Variants in COL6A6 observed in about 807,000 individuals in gnomAD.
COL6A6 encodes collagen alpha-6(VI) chain.
COL6A6 carries 183 observed loss-of-function variants against 208.6 expected under a neutral mutation model. The observed-to-expected ratio is 0.88, with a 90% confidence interval of 0.78 to 0.99. COL6A6 has a LOEUF of 0.99. COL6A6 is among the 50% of genes least tolerant of loss of function. COL6A6 has a pLI of 0.00. For synonymous variants in COL6A6, 973 were observed against 1,011.8 expected, an observed-to-expected ratio of 0.96 and a Z score of 0.73; for missense variants, 2,816 against 2,815.2, an observed-to-expected ratio of 1.00 and a Z score of -0.01.
intron 36 of COL6A6, among the ~76,000 whole-genome samples, chr3:130,673,488 T>G (rs2066283922): frequency 4.2e-5 from 6 of 144,346 alleles, no homozygotes; most frequent in African/African-American, 1.0e-4. Flanking sequence ...AGGTGCGGGG[T>G]AGGGGGACGC....
chr3:130,594,235 T>C lies in COL6A6; in HGVS notation c.4471-46T>C, dbSNP rs755269941. On this transcript the variant is annotated intron_variant, in intron 17 of 36. Coordinates refer to ENST00000358511, the MANE Select transcript of COL6A6 (RefSeq NM_001102608.3). The stretch of plus-strand genomic sequence containing the variant: ...AAAAGCTCTGTTTTTATTAATTTTA[T>C]TAAAACTTCTTGTCTTGTTTTTCTT... 1.4e-6 allele frequency: 2 copies of C among 1,383,842 alleles called. 1 individual carries two copies. Among genetic ancestry groups the C allele is most frequent in the South Asian group, 2.3e-5 (2 of 85,168 alleles). The allele number at this position is 1,383,842 out of a possible 1,614,324, so 85.7% of individuals were successfully genotyped here.
At chr3:130,637,233 A>G (rs1443502594) in intron 28 of COL6A6, among the ~76,000 whole-genome samples, 1 of 146,840 alleles carries the variant, frequency 6.8e-6, no homozygotes, top group Non-Finnish European at 1.5e-5. Context: ...TAATTAGAAA[A>G]ATAATTGGAA....
chr3:130,589,657 G>T (rs771790998), intron 12 of COL6A6, among the ~76,000 whole-genome samples: 27 of 152,100 alleles, frequency 1.8e-4, no homozygotes, highest in Non-Finnish European at 3.7e-4. Flanking sequence ...CTTAAGCCAG[G>T]TCAAAATGTT....
chr3:130,655,619 G>A (rs114126978), intron 33 of COL6A6, among the ~76,000 whole-genome samples: 2,947 of 152,236 alleles, frequency 0.019, 95 homozygotes, highest in African/African-American at 0.067. Context: ...CACTTGGTGC[G>A]CCTGGGAGTC....
chr3:130,567,982 C>T, intron 5 of COL6A6, 65 bp from the exon 6 acceptor site: 1 of 1,275,130 alleles, frequency 7.8e-7, no homozygotes, highest in South Asian at 1.5e-5. Context: ...TTTGGATTTT[C>T]CTGTTTACTC....
Position 130,572,958 on chromosome 3 carries a change from G to A in COL6A6, c.2978-998G>A, listed in dbSNP as rs141994636. 7.0e-3 allele frequency among the ~76,000 whole-genome samples: 1,069 copies of A among 152,242 alleles called. 14 individuals are homozygous for A. Among genetic ancestry groups the A allele is most frequent in the African/African-American group, 0.024 (1,016 of 41,528 alleles). ...ATGTGCCAAGCATAACTCATTCATTGGCAGTGGTCTCTCATGTTCTTCTTG... is the reference window on the plus strand; with the variant it reads ...ATGTGCCAAGCATAACTCATTCATTAGCAGTGGTCTCTCATGTTCTTCTTG... On this transcript the variant is annotated intron_variant, in intron 7 of 36. Coordinates refer to ENST00000358511, the MANE Select transcript of COL6A6 (RefSeq NM_001102608.3).
intron 20 of COL6A6, among the ~76,000 whole-genome samples, chr3:130,602,770 T>A (rs926490760): frequency 6.6e-6 from 1 of 152,236 alleles, no homozygotes; most frequent in Non-Finnish European, 1.5e-5. Context: ...ATTTTATCTG[T>A]AAGAATGAGT....
chr3:130,534,136 C>T (rs1186741277), intron 1 of COL6A6, among the ~76,000 whole-genome samples: 5 of 152,144 alleles, frequency 3.3e-5, no homozygotes, highest in Non-Finnish European at 4.4e-5. Context: ...ATATTCCCAC[C>T]AGCCATGTAT....
At chr3:130,563,853 G>C (rs997151411) in intron 3 of COL6A6, among the ~76,000 whole-genome samples, 189 bp downstream of exon 3, 1 of 152,128 alleles carries the variant, frequency 6.6e-6, no homozygotes, top group Non-Finnish European at 1.5e-5. Flanking sequence ...CAGAAGTCTT[G>C]GTTTTTCATG....
chr3:130,621,555 A>G (rs1247165316), intron 23 of COL6A6, among the ~76,000 whole-genome samples: 1 of 152,244 alleles, frequency 6.6e-6, no homozygotes, highest in East Asian at 1.9e-4. Context: ...CTGTTCTTAG[A>G]GCAAAACAAC....
At chr3:130,541,605 T>C (rs1379781166) in intron 1 of COL6A6, among the ~76,000 whole-genome samples, 1 of 152,238 alleles carries the variant, frequency 6.6e-6, no homozygotes, top group Admixed American at 6.5e-5. Flanking sequence ...AAACTCCTTG[T>C]CAGCATTTGA....
chr3:130,573,692 G>A (rs371433957), intron 7 of COL6A6, among the ~76,000 whole-genome samples: 2 of 150,204 alleles, frequency 1.3e-5, no homozygotes, highest in Non-Finnish European at 2.9e-5. Flanking sequence ...TCAGGCTCCC[G>A]AGTAGCTGGG....
intron 36 of COL6A6, among the ~76,000 whole-genome samples, chr3:130,672,592 A>G (rs1304424347): frequency 6.6e-6 from 1 of 151,756 alleles, no homozygotes; most frequent in African/African-American, 2.4e-5. Context: ...TAGCAGAGAC[A>G]GGGGTTTTAC....
intron 36 of COL6A6, among the ~76,000 whole-genome samples, chr3:130,674,002 CACA>C (rs1473703212): frequency 6.6e-6 from 1 of 152,118 alleles, no homozygotes; most frequent in Non-Finnish European, 1.5e-5. Flanking sequence ...AGTTGTTGCT[CACA>C]ACAACAGAAG....
At chr3:130,599,841 T>G in intron 20 of COL6A6, 31 bp downstream of exon 20, 2 of 1,608,922 alleles carry the variant, frequency 1.2e-6, no homozygotes, top group Non-Finnish European at 1.7e-6. Flanking sequence ...GGAGACCCAC[T>G]GTTTTGGTGG....
At position 130,591,037 on chromosome 3, in the gene COL6A6, C is replaced by T. The variant is rs188085884; in HGVS notation, c.4219-4C>T. 5,966 of 1,571,202 alleles carry T rather than the reference C, an allele frequency of 3.8e-3. 49 individuals are homozygous for T. The highest frequency in any genetic ancestry group is 0.016 in the South Asian group (1,381 of 85,452). ...AAATGTTTTCTTCCTTTTCTTATTT[C>T]CAGGGACCTCCAGGTTTTAAAGGCA... is the stretch of plus-strand genomic sequence containing the variant. On this transcript the variant is annotated splice_region_variant and splice_polypyrimidine_tract_variant and intron_variant, in intron 12 of 36. Coordinates refer to ENST00000358511, the MANE Select transcript of COL6A6 (RefSeq NM_001102608.3).
intron 32 of COL6A6, among the ~76,000 whole-genome samples, chr3:130,646,185 G>C (rs1332036581): frequency 6.6e-6 from 1 of 152,182 alleles, no homozygotes; most frequent in Non-Finnish European, 1.5e-5. Flanking sequence ...AGCATAGGAT[G>C]CTGTGTCCTG....
chr3:130,547,207 A>AG (rs1200082495), intron 1 of COL6A6, among the ~76,000 whole-genome samples: 1 of 152,224 alleles, frequency 6.6e-6, no homozygotes, highest in African/African-American at 2.4e-5. Flanking sequence ...CATGCCCCGC[A>AG]GGGAGGTGGC....
At chr3:130,590,632 A>G (rs1411898258) in intron 12 of COL6A6, among the ~76,000 whole-genome samples, 1 of 151,586 alleles carries the variant, frequency 6.6e-6, no homozygotes, top group South Asian at 2.1e-4. Context: ...CAGTGGTGCG[A>G]TCTCGGCTCA....
Sources: gnomAD v4.1 joint callset for allele counts (sites outside exome capture counted in the v4.1 genomes callset) on GRCh38, gnomAD v4.1.1 for gene constraint, MANE v1.5 for transcripts, NCBI Gene and HGNC (gene_info 2026-07-23, HGNC 2026-07-21) for gene names.